The following CNBD1 variants were observed in gnomAD, a reference collection of about 807,000 sequenced individuals.
CNBD1 encodes cyclic nucleotide binding domain containing 1, also known as cyclic nucleotide-binding domain-containing protein 1.
In CNBD1, 71 loss-of-function variants were observed where a neutral mutation model predicts 54.4. The observed-to-expected ratio is 1.30, with a 90% CI of 1.08 to 1.59. CNBD1 has a LOEUF of 1.59. Among genes scored for constraint, CNBD1 ranks in the 40% most tolerant of loss-of-function variants. The pLI is 0.00. For synonymous variants in CNBD1, 182 were observed against 170.7 expected (o/e 1.07, Z -0.51); for missense variants, 659 against 518.0 (o/e 1.27, Z -2.64).
At chr8:87,245,730 G>T (rs987079689) in intron 6 of CNBD1, among the ~76,000 whole-genome samples, 1 of 151,764 alleles carries the variant, frequency 6.6e-6, no homozygotes, top group Non-Finnish European at 1.5e-5. Context: ...TGTTTTCTTT[G>T]TCTTTTTACC....
intron 8 of CNBD1, among the ~76,000 whole-genome samples, chr8:87,320,881 CA>C (rs1311012101): frequency 6.6e-6 from 1 of 152,104 alleles, no homozygotes; most frequent in Admixed American, 6.6e-5. Flanking sequence ...ACCTTCCCTG[CA>C]GCCCCTGGCA....
At chr8:87,336,638 A>G (rs1267260193) in intron 8 of CNBD1, among the ~76,000 whole-genome samples, 1 of 152,116 alleles carries the variant, frequency 6.6e-6, no homozygotes, top group East Asian at 1.9e-4. Flanking sequence ...ATAGGTTTAG[A>G]ACATGCTCCT....
intron 6 of CNBD1, among the ~76,000 whole-genome samples, chr8:87,265,101 C>G (rs1164570476): frequency 6.6e-6 from 1 of 152,076 alleles, no homozygotes; most frequent in South Asian, 2.1e-4. Context: ...ATGGTATTGC[C>G]TAGGTTTTCT....
At chr8:87,009,658 T>G (rs1220769194) in intron 4 of CNBD1, among the ~76,000 whole-genome samples, 1 of 152,130 alleles carries the variant, frequency 6.6e-6, no homozygotes, top group Non-Finnish European at 1.5e-5. Flanking sequence ...AATTCACCCA[T>G]ACATTTACCC....
intron 4 of CNBD1, among the ~76,000 whole-genome samples, chr8:87,173,595 A>G (rs546068418): frequency 6.6e-6 from 1 of 152,026 alleles, no homozygotes; most frequent in South Asian, 2.1e-4. Context: ...GGCATTTTCA[A>G]TATGTCATAC....
chr8:87,404,694 T>G (rs1807624192), intron 2 of CNBD1, among the ~76,000 whole-genome samples: 1 of 152,152 alleles, frequency 6.6e-6, no homozygotes, highest in African/African-American at 2.4e-5. Flanking sequence ...TTTAGCTGCT[T>G]GTATATTTGA....
Position 87,204,739 on chromosome 8 carries a change from A to C in CNBD1, c.432-1254A>C, listed in dbSNP as rs567440135. 1.3e-4 allele frequency among the ~76,000 whole-genome samples: 19 copies of C among 151,758 alleles called. No homozygotes were observed. In the South Asian group the frequency reaches 3.3e-3, roughly 27 times the overall value. ...CACTAAAATAAACAAAAAAAGAAAA[A>C]CCTCTGTCTTTACAGCCTGTGATAT... On this transcript the variant is annotated intron_variant, in intron 4 of 10. Coordinates refer to ENST00000518476, the MANE Select transcript of CNBD1 (RefSeq NM_173538.3).
intron 8 of CNBD1, among the ~76,000 whole-genome samples, chr8:87,304,228 A>T (rs1337795045): frequency 6.6e-6 from 1 of 151,908 alleles, no homozygotes; most frequent in South Asian, 2.1e-4. Flanking sequence ...AAAGACTTGG[A>T]ACAAACCCAA....
intron 4 of CNBD1, among the ~76,000 whole-genome samples, chr8:86,987,423 G>A (rs1391898880): frequency 1.3e-5 from 2 of 152,078 alleles, no homozygotes; most frequent in Non-Finnish European, 2.9e-5. Flanking sequence ...TTAGCATTTT[G>A]TAGGTATAGA....
At chr8:87,421,459 T>C (rs1807935992) in intron 2 of CNBD1, among the ~76,000 whole-genome samples, 1 of 125,302 alleles carries the variant, frequency 8.0e-6, no homozygotes, top group Non-Finnish European at 1.6e-5. Context: ...CAGAGTGTGA[T>C]GTTCCCCTTC....
At chr8:87,121,830 G>A (rs1284052667) in intron 4 of CNBD1, among the ~76,000 whole-genome samples, 2 of 151,362 alleles carry the variant, frequency 1.3e-5, no homozygotes. Context: ...TTCAAATGTT[G>A]TCACAAATAA....
intron 1 of CNBD1, among the ~76,000 whole-genome samples, chr8:86,875,430 C>T (rs528275159): frequency 3.4e-4 from 52 of 152,148 alleles, no homozygotes; most frequent in Admixed American, 5.9e-4. Flanking sequence ...ACTCACTGTT[C>T]GAGGAAAAAG....
At chr8:86,942,141 C>T (rs1218761756) in intron 4 of CNBD1, among the ~76,000 whole-genome samples, 2 of 152,152 alleles carry the variant, frequency 1.3e-5, no homozygotes, top group African/African-American at 2.4e-5. Context: ...ATTTAATCCT[C>T]ACATCAATGC....
intron 8 of CNBD1, among the ~76,000 whole-genome samples, chr8:87,338,611 T>A (rs1248928550): frequency 7.3e-6 from 1 of 136,064 alleles, no homozygotes; most frequent in African/African-American, 2.7e-5. Flanking sequence ...TTCTTTCATT[T>A]TTTCTTTGTT....
At chr8:87,023,056 A>G (rs1313451229) in intron 4 of CNBD1, among the ~76,000 whole-genome samples, 1 of 151,470 alleles carries the variant, frequency 6.6e-6, no homozygotes, top group South Asian at 2.1e-4. Flanking sequence ...AATTGTTCTC[A>G]GTGTCCAGCT....
intron 6 of CNBD1, among the ~76,000 whole-genome samples, chr8:87,251,540 A>G (rs944679603): frequency 2.7e-5 from 4 of 150,318 alleles, no homozygotes; most frequent in Non-Finnish European, 5.9e-5. Flanking sequence ...GTGAGCCAAG[A>G]TTGCGCCATT....
At chr8:87,050,242 G>A (rs577573688) in intron 4 of CNBD1, among the ~76,000 whole-genome samples, 3 of 152,332 alleles carry the variant, frequency 2.0e-5, no homozygotes, top group East Asian at 1.9e-4. Context: ...TGGGAAAGGG[G>A]AAAGGAGGTA....
At chr8:87,019,016 A>G (rs916671325) in intron 4 of CNBD1, among the ~76,000 whole-genome samples, 1 of 152,232 alleles carries the variant, frequency 6.6e-6, no homozygotes, top group African/African-American at 2.4e-5. Flanking sequence ...AGGATAAAAT[A>G]CCTTGTAACA....
chr8:87,207,152 A>G (rs997006692), intron 5 of CNBD1, among the ~76,000 whole-genome samples: 2 of 152,196 alleles, frequency 1.3e-5, no homozygotes. Context: ...AAGGGAATAA[A>G]GGACAAACAT....
Sources: allele counts gnomAD v4.1 joint callset (sites outside exome capture counted in the v4.1 genomes callset), GRCh38; gene constraint gnomAD v4.1.1; transcripts MANE v1.5; gene names NCBI Gene and HGNC (gene_info 2026-07-23, HGNC 2026-07-21).